TUT7: variants seen among roughly 807,000 people sequenced by gnomAD.
TUT7 encodes terminal uridylyltransferase 7.
A neutral mutation model predicts 165.9 loss-of-function variants in TUT7; 33 were observed. The ratio of observed to expected loss-of-function variants is 0.20; its 90% CI spans 0.15 to 0.27. The LOEUF (loss-of-function observed/expected upper bound fraction) is 0.27, where lower values mean the gene tolerates loss of function less well. Among genes scored for constraint, TUT7 ranks in the 10% least tolerant of loss-of-function variants. The pLI is 1.00. For synonymous variants in TUT7, 552 were observed against 608.1 expected (o/e 0.91, Z 1.36); for missense variants, 1,338 against 1,762.3 (o/e 0.76, Z 4.31).
chr9:86,345,245 T>C (rs1472888099), intron 4 of TUT7, 91 bp from the exon 5 acceptor site: 1 of 1,257,332 alleles, frequency 8.0e-7, no homozygotes, highest in Non-Finnish European at 1.1e-6. Flanking sequence ...AGAGTTTTCT[T>C]TTTCTTAGCC....
intron 1 of TUT7, among the ~76,000 whole-genome samples, chr9:86,353,810 G>A (rs952459533): frequency 6.6e-6 from 1 of 152,172 alleles, no homozygotes; most frequent in Admixed American, 6.5e-5. Context: ...TGTAATTAAA[G>A]AGGCTGGGTT....
intron 1 of TUT7, among the ~76,000 whole-genome samples, chr9:86,353,798 G>C (rs1025332955): frequency 4.6e-5 from 7 of 152,176 alleles, no homozygotes; most frequent in African/African-American, 1.4e-4. Flanking sequence ...CCAAGGTGCA[G>C]CTGTAATTAA....
In TUT7 at chr9:86,323,385, A is replaced by G. The variant is rs1385710784; in HGVS notation, c.2365T>C (p.Leu789=). 6.2e-7 allele frequency: 1 copy of G among 1,614,150 alleles called. No homozygotes were observed. Among genetic ancestry groups the G allele is most frequent in the South Asian group, 1.1e-5 (1 of 91,082 alleles). The change falls in exon 13 of 27, where the codon TTA becomes CTA. Residue 789 remains leucine, a synonymous_variant. Coordinates refer to ENST00000375963, the MANE Select transcript of TUT7 (RefSeq NM_024617.4). The part of the protein sequence containing the change: ...RNNESESTLD[L]EGFQNPTAKE... ...GCTGTGGGATTTTGGAAGCCTTCTA[A>G]ATCCAAAGTGCTCTCTGACTCATTA...
rs1034750474 is a variant in TUT7, at chr9:86,322,585, A to G, written c.2878-110T>C. The G allele has an allele frequency of 2.2e-6, 3 of 1,357,692 alleles. No individual in the cohort carries two copies. In the African/African-American group the frequency reaches 4.4e-5, roughly 20 times the overall value. 84.1% of individuals were successfully genotyped at this position (1,357,692 alleles called of 1,614,324 possible). Reference sequence around the variant, plus strand: ...AGTCACCTATTCACTTTCCAAAGGAAATGAAAATATAACATGCATCCACTC... The same window carrying G: ...AGTCACCTATTCACTTTCCAAAGGAGATGAAAATATAACATGCATCCACTC... On this transcript the variant is annotated intron_variant, in intron 13 of 26. Transcript: ENST00000375963.
intron 14 of TUT7, among the ~76,000 whole-genome samples, chr9:86,320,173 G>A (rs1389930732): frequency 6.8e-6 from 1 of 147,052 alleles, no homozygotes; most frequent in Non-Finnish European, 1.5e-5. Context: ...GAATTTAAAA[G>A]TTTGTGAGCA....
chr9:86,290,489 A>G (rs1462150296), intron 26 of TUT7, among the ~76,000 whole-genome samples: 2 of 152,252 alleles, frequency 1.3e-5, no homozygotes, highest in East Asian at 1.9e-4. Flanking sequence ...TTTATGCCAC[A>G]AAGTGTCTAC....
At chr9:86,296,211 G>A (rs1826305086) in intron 26 of TUT7, among the ~76,000 whole-genome samples, 1 of 152,312 alleles carries the variant, frequency 6.6e-6, no homozygotes, top group Non-Finnish European at 1.5e-5. Context: ...AGTCCTGTGA[G>A]GTGTTAGCAC....
Position 86,323,943 on chromosome 9 carries a change from T to C in TUT7, c.1807A>G (p.Arg603Gly). 2 of 1,588,434 alleles carry C rather than the reference T, an allele frequency of 1.3e-6. No individual in the cohort carries two copies. Among genetic ancestry groups the C allele is most frequent in the Non-Finnish European group, 1.7e-6 (2 of 1,164,896 alleles). The change falls in exon 13 of 27, where the codon AGA becomes GGA. Residue 603 changes from arginine to glycine, a missense_variant. Physicochemically the swap from Arg to Gly is moderately radical, Grantham distance 125 (BLOSUM62 -2). Around this residue, in one of 7 missense-constraint regions of TUT7, gnomAD observed 28 missense variants for 69.4 expected, o/e 0.40. Transcript: ENST00000375963. ...CTATTTAGGGTTCTTGCCACATTTC[T>C]TTTAACAGAGTAGGGATCTGTAATA... is the stretch of plus-strand genomic sequence containing the variant. ...IAIEDPYSVK[R>G]NVARTLNSQP... is the part of the protein sequence containing the mutation.
At chr9:86,304,538 C>T (rs4877314) in intron 24 of TUT7, among the ~76,000 whole-genome samples, 38,818 of 151,890 alleles carry the variant, frequency 0.26, 5,377 homozygotes, top group East Asian at 0.47. Context: ...CCAAGGCTGG[C>T]ATCAAGCCGA....
At chr9:86,340,466 G>A (rs779833076) in intron 7 of TUT7, among the ~76,000 whole-genome samples, 19 of 152,164 alleles carry the variant, frequency 1.2e-4, no homozygotes, top group Non-Finnish European at 1.8e-4. Context: ...ATTGATCGAA[G>A]ACAAAATTTA....
chr9:86,323,535 C>T lies in TUT7; in HGVS notation c.2215G>A (p.Asp739Asn). ...CCTGTTTCTGGATGGTATACTTTAT[C>T]ACCCTTGTAATCATCAGAGTTAACA... Reference protein sequence around the residue: ...ADVNSDDYKGDKVYHPETGRK... With the variant: ...ADVNSDDYKGNKVYHPETGRK... The change falls in exon 13 of 27, where the codon GAT (aspartate) becomes AAT (asparagine). Residue 739 changes from aspartate to asparagine, a missense_variant. Around this residue, in one of 7 missense-constraint regions of TUT7, gnomAD observed 425 missense variants for 474.9 expected, o/e 0.89. Transcript: ENST00000375963. 1.2e-6 allele frequency: 2 copies of T among 1,614,222 alleles called. No individual in the cohort carries two copies. Among genetic ancestry groups the T allele is most frequent in the Non-Finnish European group, 1.7e-6 (2 of 1,180,042 alleles).
intron 7 of TUT7, 78 bp downstream of exon 7, chr9:86,340,923 AT>A (rs1416934052): frequency 1.5e-5 from 17 of 1,123,210 alleles, no homozygotes; most frequent in African/African-American, 3.1e-5. Flanking sequence ...ATGCCTTGCT[AT>A]TTTCAAAGTT....
At position 86,309,222 on chromosome 9, in the gene TUT7, A is replaced by G; in HGVS notation, c.3650T>C (p.Ile1217Thr). Reference sequence around the variant, plus strand: ...TCTTAAAATACGTACCAGTTCATCTATTTGATCAAAAAAATAAATATTCCA... The same window carrying G: ...TCTTAAAATACGTACCAGTTCATCTGTTTGATCAAAAAAATAAATATTCCA... ...DGWNIYFFDQ[I>T]DELPTYWSEC... Residue 1217 changes from isoleucine to threonine, a missense_variant, in exon 21 of 27, where the codon ATA (isoleucine) becomes ACA (threonine). Ile to Thr is a moderately conservative substitution (Grantham distance 89). This residue lies in a region of TUT7 where 157 missense variants were observed against 357.5 expected (regional missense o/e 0.44). Transcript: ENST00000375963. The G allele has an allele frequency of 6.4e-7, 1 of 1,567,970 alleles. No individual in the cohort carries two copies. The highest frequency in any genetic ancestry group is 8.7e-7 in the Non-Finnish European group (1 of 1,142,868).
intron 17 of TUT7, among the ~76,000 whole-genome samples, chr9:86,313,061 T>C (rs1828356578): frequency 6.6e-6 from 1 of 151,874 alleles, no homozygotes; most frequent in Non-Finnish European, 1.5e-5. Context: ...TTTATTATGC[T>C]GCTCCACTAT....
chr9:86,302,029 G>A (rs1424891094), intron 25 of TUT7, among the ~76,000 whole-genome samples: 3 of 152,122 alleles, frequency 2.0e-5, no homozygotes, highest in South Asian at 4.1e-4. Flanking sequence ...TAAGATTTAT[G>A]CTCTTAAAAT....
intron 11 of TUT7, among the ~76,000 whole-genome samples, chr9:86,327,035 G>C (rs1471426512): frequency 6.6e-6 from 1 of 152,068 alleles, no homozygotes; most frequent in African/African-American, 2.4e-5. Context: ...CAATCACAAA[G>C]GTTCTGTCAA....
chr9:86,345,906 C>T (rs1200436331), intron 3 of TUT7, 121 bp from the exon 4 acceptor site: 3 of 731,636 alleles, frequency 4.1e-6, no homozygotes, highest in Non-Finnish European at 6.9e-6. Flanking sequence ...ACAGGAGTCT[C>T]ACTATGTTGC....
chr9:86,323,719 G>A lies in TUT7; in HGVS notation c.2031C>T (p.Ala677=). ...CTGAACTGGTAGCACCAGGACCTTGGGCCAAAACTGAGTTTTTGAGCTTAT... is the reference window on the plus strand; with the variant it reads ...CTGAACTGGTAGCACCAGGACCTTGAGCCAAAACTGAGTTTTTGAGCTTAT... ...KDDKLKNSVL[A]QGPGATSSAA... is the part of the protein sequence containing the mutation. The change falls in exon 13 of 27, where the codon GCC becomes GCT. Residue 677 remains alanine, a synonymous_variant. Coordinates refer to ENST00000375963, the MANE Select transcript of TUT7 (RefSeq NM_024617.4). 6.2e-7 allele frequency: 1 copy of A among 1,613,584 alleles called. No homozygotes were observed. The highest frequency in any genetic ancestry group is 8.5e-7 in the Non-Finnish European group (1 of 1,179,626).
intron 13 of TUT7, 88 bp downstream of exon 13, chr9:86,322,785 A>C (rs1829435026): frequency 1.4e-6 from 2 of 1,424,212 alleles, no homozygotes; most frequent in Non-Finnish European, 1.9e-6. Context: ...CCAAAATAGG[A>C]AAATTCCTAG....
Sources: gnomAD v4.1 joint callset for allele counts (sites outside exome capture counted in the v4.1 genomes callset) on GRCh38, gnomAD v4.1.1 for gene constraint, gnomAD v4.1.1 regional missense constraint, MANE v1.5 for transcripts, NCBI Gene and HGNC (gene_info 2026-07-23, HGNC 2026-07-21) for gene names.